WDPCP: variants seen among roughly 807,000 people sequenced by gnomAD.
The protein encoded by WDPCP is WD repeat containing planar cell polarity effector, also known as WD repeat-containing and planar cell polarity effector protein fritz homolog.
In WDPCP, 71 loss-of-function variants were observed where a neutral mutation model predicts 93.1. The ratio of observed to expected loss-of-function variants is 0.76; its 90% CI spans 0.63 to 0.93. The LOEUF is 0.93. Ranked by LOEUF, WDPCP falls within the 40% of genes least tolerant of loss-of-function variation. The probability of loss-of-function intolerance (pLI) is 0.00; values close to 1 mark genes in which losing one functional copy is unlikely to be tolerated. For missense variants in WDPCP, 844 were observed against 887.4 expected (o/e 0.95, Z 0.62); for synonymous variants, 315 against 315.0 (o/e 1.00, Z 0.00).
intron 1 of WDPCP, among the ~76,000 whole-genome samples, chr2:63,562,208 T>C (rs1377814860): frequency 6.6e-6 from 1 of 152,192 alleles, no homozygotes; most frequent in Non-Finnish European, 1.5e-5. Context: ...AACAAGATCA[T>C]GTCCTTTGCA....
intron 3 of WDPCP, chr2:63,606,871 T>A: frequency 6.2e-7 from 1 of 1,610,872 alleles, no homozygotes; most frequent in Non-Finnish European, 8.5e-7. Context: ...GAATAAGACC[T>A]GGAAGTTTGT....
intron 2 of WDPCP, among the ~76,000 whole-genome samples, chr2:63,773,892 T>C (rs974352187): frequency 6.6e-6 from 1 of 152,102 alleles, no homozygotes; most frequent in African/African-American, 2.4e-5. Flanking sequence ...ACACTGGCTA[T>C]GGGTTAGCCC....
chr2:63,383,663 A>G (rs1358992140), intron 10 of WDPCP, among the ~76,000 whole-genome samples: 1 of 152,182 alleles, frequency 6.6e-6, no homozygotes, highest in African/African-American at 2.4e-5. Context: ...CGTTGAACCA[A>G]GATCACACCA....
At chr2:63,402,835 G>A (rs1480536527) in intron 10 of WDPCP, among the ~76,000 whole-genome samples, 2 of 152,180 alleles carry the variant, frequency 1.3e-5, no homozygotes, top group Admixed American at 6.5e-5. Context: ...AGGGGGGAGT[G>A]TAAATTAGTT....
intron 3 of WDPCP, among the ~76,000 whole-genome samples, chr2:63,596,951 G>T (rs1056049996): frequency 6.6e-6 from 1 of 152,144 alleles, no homozygotes; most frequent in African/African-American, 2.4e-5. Flanking sequence ...AAATCTCTTA[G>T]CATTATCCTG....
At chr2:63,467,794 A>T (rs1264248819) in intron 6 of WDPCP, among the ~76,000 whole-genome samples, 1 of 151,936 alleles carries the variant, frequency 6.6e-6, no homozygotes, top group Non-Finnish European at 1.5e-5. Context: ...AAAAAAAAAA[A>T]AAAAAATTGC....
intron 13 of WDPCP, among the ~76,000 whole-genome samples, chr2:63,278,199 A>T (rs1683225807): frequency 6.6e-6 from 1 of 152,232 alleles, no homozygotes; most frequent in South Asian, 2.1e-4. Context: ...AAATTTAAAA[A>T]TTCTTTGAAC....
chr2:63,334,430 G>A (rs372413649), intron 12 of WDPCP, among the ~76,000 whole-genome samples: 62 of 152,212 alleles, frequency 4.1e-4, no homozygotes, highest in African/African-American at 1.4e-3. Context: ...ACATTGGTTC[G>A]GTCCAGAAAG....
In WDPCP at chr2:63,439,834, A is replaced by G; in HGVS notation, c.422T>C (p.Leu141Pro). ...FGSGVLVSLS[L>P]SGPQLEKVVI... ...CACTTTCTCCAGCTGCGGCCCAGAA[A>G]GGCTTAGAGACACCAGCACACCTGA... Residue 141 changes from leucine (L) to proline (P), a missense_variant, in exon 7 of 18, where the codon CTT becomes CCT. Coordinates refer to ENST00000272321, the MANE Select transcript of WDPCP (RefSeq NM_015910.7). 1.2e-6 allele frequency: 2 copies of G among 1,613,254 alleles called. No homozygotes were observed. The highest frequency in any genetic ancestry group is 1.3e-5 in the African/African-American group (1 of 74,978).
intron 14 of WDPCP, chr2:63,229,793 A>G (rs1350499616): frequency 6.6e-6 from 1 of 150,874 alleles, no homozygotes; most frequent in African/African-American, 2.5e-5. Context: ...ATTGGTCTAT[A>G]TCTCTGTTTT....
chr2:63,588,341 G>A lies in WDPCP; in HGVS notation c.-70C>T. Reference sequence around the variant, plus strand: ...GGACCCGAGAGGGAGCGACACGCTCGCTTGGTCTCTTGGGTCTCCAGGACG... The same window carrying A: ...GGACCCGAGAGGGAGCGACACGCTCACTTGGTCTCTTGGGTCTCCAGGACG... On this transcript the variant is annotated 5_prime_UTR_variant, in exon 1 of 18. Coordinates refer to ENST00000272321, the MANE Select transcript of WDPCP (RefSeq NM_015910.7). The A allele has an allele frequency of 2.0e-6, 3 of 1,525,962 alleles. No homozygotes were observed. The highest frequency in any genetic ancestry group is 2.7e-6 in the Non-Finnish European group (3 of 1,123,620). The allele number at this position is 1,525,962 out of a possible 1,614,324, so 94.5% of individuals were successfully genotyped here. A position where few individuals can be genotyped will look rare whatever the true frequency, so the allele number is the denominator to read the frequency against.
chr2:63,819,868 C>T (rs1005852939), intron 1 of WDPCP, among the ~76,000 whole-genome samples: 2 of 152,126 alleles, frequency 1.3e-5, no homozygotes, highest in East Asian at 3.9e-4. Flanking sequence ...CAGGGGTCAG[C>T]CTTCCTGAGC....
chr2:63,800,607 G>A (rs1333880590), intron 2 of WDPCP, among the ~76,000 whole-genome samples: 1 of 152,086 alleles, frequency 6.6e-6, no homozygotes, highest in Non-Finnish European at 1.5e-5. Flanking sequence ...TTAAATATGT[G>A]GGTCCCCTAG....
At chr2:63,783,962 A>G (rs1342880041) in intron 2 of WDPCP, among the ~76,000 whole-genome samples, 1 of 152,202 alleles carries the variant, frequency 6.6e-6, no homozygotes, top group Non-Finnish European at 1.5e-5. Context: ...TGACTTAGCC[A>G]AATCCCAGTA....
chr2:63,691,873 AGTGT>A (rs71393325), intron 2 of WDPCP, among the ~76,000 whole-genome samples: 11,129 of 145,072 alleles, frequency 0.077, 567 homozygotes, highest in African/African-American at 0.14. Context: ...TATACTACAA[AGTGT>A]GTGTGTGTGT....
chr2:63,482,831 G>A (rs75605232), intron 6 of WDPCP, among the ~76,000 whole-genome samples: 1 of 151,760 alleles, frequency 6.6e-6, no homozygotes, highest in Non-Finnish European at 1.5e-5. Flanking sequence ...ATGAAGCACA[G>A]AATATAACAG....
chr2:63,703,887 G>C (rs1226215865), intron 2 of WDPCP, among the ~76,000 whole-genome samples: 1 of 152,062 alleles, frequency 6.6e-6, no homozygotes, highest in Non-Finnish European at 1.5e-5. Flanking sequence ...AAATTACCTT[G>C]GGCAGTATGG....
intron 6 of WDPCP, among the ~76,000 whole-genome samples, chr2:63,454,508 A>G (rs1698492456): frequency 6.7e-6 from 1 of 148,546 alleles, no homozygotes; most frequent in South Asian, 2.1e-4. Flanking sequence ...ATAATAATAA[A>G]AAATAAAAAT....
chr2:63,740,479 T>C (rs780658482), intron 2 of WDPCP, among the ~76,000 whole-genome samples: 1 of 152,136 alleles, frequency 6.6e-6, no homozygotes, highest in Non-Finnish European at 1.5e-5. Context: ...CATACATCTT[T>C]CTTTAATAAA....
Sources: allele counts gnomAD v4.1 joint callset (sites outside exome capture counted in the v4.1 genomes callset), GRCh38; gene constraint gnomAD v4.1.1; transcripts MANE v1.5; gene names NCBI Gene and HGNC (gene_info 2026-07-23, HGNC 2026-07-21).